The following IGSF5 variants were observed in gnomAD, a reference collection of about 807,000 sequenced individuals.
IGSF5 encodes immunoglobulin superfamily member 5.
IGSF5 carries 41 observed loss-of-function variants against 39.4 expected under a neutral mutation model. The observed-to-expected ratio is 1.04, with a 90% CI of 0.81 to 1.35. IGSF5 has a LOEUF of 1.35. Among genes scored for constraint, IGSF5 ranks in the 40% most tolerant of loss-of-function variants. The pLI, the probability that IGSF5 is intolerant of heterozygous loss-of-function variation, is 0.00. For missense variants in IGSF5, 487 were observed against 494.6 expected, an observed-to-expected ratio of 0.98 and a Z score of 0.15; for synonymous variants, 183 against 175.3, an observed-to-expected ratio of 1.04 and a Z score of -0.34.
intron 3 of IGSF5, among the ~76,000 whole-genome samples, chr21:39,767,465 CCTGGGACACA>C (rs2080092531): frequency 6.6e-6 from 1 of 152,142 alleles, no homozygotes; most frequent in African/African-American, 2.4e-5. Flanking sequence ...CAATGTGTGA[CCTGGGACACA>C]ATTACTTAAT....
intron 5 of IGSF5, 59 bp downstream of exon 5, chr21:39,779,364 G>T: frequency 6.3e-7 from 1 of 1,576,658 alleles, no homozygotes. Flanking sequence ...ACAAGCAGTT[G>T]AAGTTAATGA....
In IGSF5 at chr21:39,770,912, T is replaced by C. The variant is rs2080110531; in HGVS notation, c.419-4T>C. 6.7e-7 allele frequency: 1 copy of C among 1,484,006 alleles called. No homozygotes were observed. The highest frequency in any genetic ancestry group is 2.4e-5 in the East Asian group (1 of 41,080). The allele number at this position is 1,484,006 out of a possible 1,614,324, so 91.9% of individuals were successfully genotyped here. On this transcript the variant is annotated splice_region_variant and splice_polypyrimidine_tract_variant and intron_variant, in intron 3 of 8. Transcript: ENST00000380588. ...TCAATGTGTTTCTCTCTTTTCTTCT[T>C]TAGTTATGGGAGAGCTGTTCATTCC...
At chr21:39,727,241 A>G in the IGSF5 span, among the ~76,000 whole-genome samples, 2 of 152,216 alleles carry the variant, frequency 1.3e-5, no homozygotes, top group Non-Finnish European at 2.9e-5. Context: ...GAAGCAGGGC[A>G]GCTTCTGCTG....
chr21:39,762,944 G>GC (rs921360450), intron 2 of IGSF5, among the ~76,000 whole-genome samples: 19 of 152,220 alleles, frequency 1.2e-4, no homozygotes, highest in African/African-American at 4.6e-4. Flanking sequence ...CCAGTGCTCT[G>GC]CCCCCCATCT....
chr21:39,739,365 G>C, the IGSF5 span, among the ~76,000 whole-genome samples: 4 of 151,992 alleles, frequency 2.6e-5, no homozygotes, highest in African/African-American at 9.7e-5. Context: ...CGAATGCCTG[G>C]GTTTATATCC....
intron 2 of IGSF5, among the ~76,000 whole-genome samples, chr21:39,755,894 A>T (rs1441530875): frequency 1.3e-5 from 2 of 152,050 alleles, no homozygotes; most frequent in African/African-American, 4.8e-5. Context: ...ACCTGAGGTC[A>T]GGAGTTTGAG....
chr21:39,800,508 A>T (rs1439801293), intron 8 of IGSF5, among the ~76,000 whole-genome samples: 1 of 152,258 alleles, frequency 6.6e-6, no homozygotes, highest in African/African-American at 2.4e-5. Flanking sequence ...ACATAGTTCC[A>T]TCCGCTGTCC....
intron 2 of IGSF5, among the ~76,000 whole-genome samples, chr21:39,747,900 G>T (rs558452267): frequency 1.3e-5 from 2 of 150,742 alleles, no homozygotes; most frequent in East Asian, 3.9e-4. Flanking sequence ...GTTTAAGTGA[G>T]CAGTAGCCAG....
At chr21:39,758,793 C>T (rs2080046220) in intron 2 of IGSF5, among the ~76,000 whole-genome samples, 1 of 152,164 alleles carries the variant, frequency 6.6e-6, no homozygotes, top group Non-Finnish European at 1.5e-5. Flanking sequence ...TGTTTAGTTT[C>T]CATTGCTTCA....
chr21:39,740,589 C>T (rs548910739), upstream of IGSF5, among the ~76,000 whole-genome samples: 1 of 152,330 alleles, frequency 6.6e-6, no homozygotes, highest in African/African-American at 2.4e-5. Flanking sequence ...TTATCACTGA[C>T]TACTGCATAC....
chr21:39,714,543 G>A, the IGSF5 span, among the ~76,000 whole-genome samples: 2 of 152,244 alleles, frequency 1.3e-5, no homozygotes, highest in Admixed American at 1.3e-4. Flanking sequence ...TCTCAGTCCT[G>A]GAGGCCAGAA....
chr21:39,715,924 G>A, the IGSF5 span, among the ~76,000 whole-genome samples: 1 of 152,144 alleles, frequency 6.6e-6, no homozygotes, highest in Non-Finnish European at 1.5e-5. Context: ...ACCAACCCGG[G>A]GATGTTATTA....
chr21:39,716,651 A>G, the IGSF5 span, among the ~76,000 whole-genome samples: 1 of 152,156 alleles, frequency 6.6e-6, no homozygotes, highest in Non-Finnish European at 1.5e-5. Flanking sequence ...CTCCAGCTCC[A>G]TCTGTGTTCC....
At chr21:39,743,308 T>A (rs1315024282), upstream of IGSF5, among the ~76,000 whole-genome samples, 1 of 152,186 alleles carries the variant, frequency 6.6e-6, no homozygotes, top group Non-Finnish European at 1.5e-5. Context: ...GTGGCACTTT[T>A]TCATTTGGGG....
At chr21:39,735,117 T>C in the IGSF5 span, among the ~76,000 whole-genome samples, 47,915 of 151,982 alleles carry the variant, frequency 0.32, 7,929 homozygotes, top group Middle Eastern at 0.38. Flanking sequence ...TCCACTTACC[T>C]TGGCCTCCCA....
At chr21:39,790,845 C>T (rs2086959895) in intron 6 of IGSF5, among the ~76,000 whole-genome samples, 1 of 152,092 alleles carries the variant, frequency 6.6e-6, no homozygotes, top group Non-Finnish European at 1.5e-5. Context: ...AAATATACAA[C>T]AGTAAAAAGT....
At chr21:39,747,443 T>TG (rs35478072) in intron 2 of IGSF5, among the ~76,000 whole-genome samples, 1 of 151,952 alleles carries the variant, frequency 6.6e-6, no homozygotes, top group African/African-American at 2.4e-5. Flanking sequence ...CCACATGGCC[T>TG]GGGGGGTTCC....
chr21:39,733,316 G>A, the IGSF5 span, among the ~76,000 whole-genome samples: 1 of 152,012 alleles, frequency 6.6e-6, no homozygotes, highest in East Asian at 1.9e-4. Context: ...TAATGGATAT[G>A]TAACAATGTT....
chr21:39,783,275 T>C (rs909593947), intron 5 of IGSF5, among the ~76,000 whole-genome samples: 1 of 152,184 alleles, frequency 6.6e-6, no homozygotes, highest in African/African-American at 2.4e-5. Flanking sequence ...TTTAGTTTTT[T>C]TGAAAAACCT....
Sources: gnomAD v4.1 joint callset for allele counts (sites outside exome capture counted in the v4.1 genomes callset) on GRCh38, gnomAD v4.1.1 for gene constraint, MANE v1.5 for transcripts, NCBI Gene and HGNC (gene_info 2026-07-23, HGNC 2026-07-21) for gene names.